The following CSMD1 variants were observed in gnomAD, a reference collection of about 807,000 sequenced individuals.
CSMD1 encodes the protein CUB and Sushi multiple domains 1, also known as CUB and sushi domain-containing protein 1.
In CSMD1, 213 loss-of-function variants were observed where a neutral mutation model predicts 417.5. The observed-to-expected ratio is 0.51, with a 90% CI of 0.46 to 0.57. The LOEUF (loss-of-function observed/expected upper bound fraction) is 0.57, where lower values mean the gene tolerates loss of function less well. Ranked by LOEUF, CSMD1 falls within the 20% of genes least tolerant of loss-of-function variation. The pLI is 0.00. For synonymous variants in CSMD1, 2,862 were observed against 1,736.8 expected, an observed-to-expected ratio of 1.65 and a Z score of -16.11; for missense variants, 6,923 against 4,529.7, an observed-to-expected ratio of 1.53 and a Z score of -15.17.
At chr8:3,187,997 T>C (rs764605263) in intron 35 of CSMD1, 32 bp from the exon 36 acceptor site, 4 of 1,579,826 alleles carry the variant, frequency 2.5e-6, no homozygotes, top group Non-Finnish European at 3.5e-6. Flanking sequence ...TTAATATTTA[T>C]TTTTGGCTTA....
At chr8:4,090,846 G>T (rs993527019) in intron 3 of CSMD1, among the ~76,000 whole-genome samples, 16 of 151,924 alleles carry the variant, frequency 1.1e-4, no homozygotes, top group African/African-American at 3.9e-4. Context: ...AATATTTGGC[G>T]AAGGGATGCC....
chr8:4,332,380 C>A (rs1217496661), intron 3 of CSMD1, among the ~76,000 whole-genome samples: 2 of 152,080 alleles, frequency 1.3e-5, no homozygotes, highest in African/African-American at 4.8e-5. Context: ...ATTAACGATT[C>A]CTACCATGCG....
At chr8:4,170,111 T>G (rs1250390853) in intron 3 of CSMD1, among the ~76,000 whole-genome samples, 1 of 151,740 alleles carries the variant, frequency 6.6e-6, no homozygotes, top group African/African-American at 2.4e-5. Flanking sequence ...CCCTAACCTG[T>G]TTTCTCCCTC....
intron 3 of CSMD1, among the ~76,000 whole-genome samples, chr8:4,217,542 T>G (rs1800757411): frequency 6.6e-6 from 1 of 152,146 alleles, no homozygotes. Context: ...AAGTGTCTTC[T>G]TGAATAAGGA....
At chr8:3,601,461 C>G (rs1000933348) in intron 8 of CSMD1, among the ~76,000 whole-genome samples, 1 of 152,196 alleles carries the variant, frequency 6.6e-6, no homozygotes, top group African/African-American at 2.4e-5. Flanking sequence ...TCACCTATCT[C>G]TAATCTCATA....
At chr8:4,914,097 T>G (rs1464199222) in intron 1 of CSMD1, among the ~76,000 whole-genome samples, 1 of 152,110 alleles carries the variant, frequency 6.6e-6, no homozygotes, top group Admixed American at 6.5e-5. Flanking sequence ...ATTTTACATT[T>G]ATGGATGATT....
intron 3 of CSMD1, among the ~76,000 whole-genome samples, chr8:4,314,960 G>T (rs1229951771): frequency 6.6e-6 from 1 of 152,136 alleles, no homozygotes; most frequent in African/African-American, 2.4e-5. Context: ...CTACATGGTG[G>T]GAGGAGGTTT....
chr8:3,005,492 T>A (rs916716959), intron 52 of CSMD1, among the ~76,000 whole-genome samples: 9 of 152,116 alleles, frequency 5.9e-5, no homozygotes, highest in Admixed American at 1.3e-4. Context: ...TAGACCAATA[T>A]CCTTGATGAA....
Position 3,625,675 on chromosome 8 carries a change from A to T in CSMD1, c.1010-8878T>A, listed in dbSNP as rs1796457291. Among the ~76,000 whole-genome samples the T allele has an allele frequency of 2.0e-5, 3 of 152,192 alleles. No individual in the cohort carries two copies. The South Asian group carries it at 6.2e-4, about 31-fold the overall frequency. Reference sequence around the variant, plus strand: ...ACTAAAAAAAATAACTCTATTGTACATAAAAAATAAAACGATTTGGCATTC... The same window carrying T: ...ACTAAAAAAAATAACTCTATTGTACTTAAAAAATAAAACGATTTGGCATTC... On this transcript the variant is annotated intron_variant, in intron 7 of 69. Coordinates refer to ENST00000635120, the MANE Select transcript of CSMD1 (RefSeq NM_033225.6).
intron 17 of CSMD1, among the ~76,000 whole-genome samples, chr8:3,394,374 A>G (rs558945166): frequency 6.6e-6 from 1 of 151,512 alleles, no homozygotes; most frequent in South Asian, 2.1e-4. Flanking sequence ...ATTTTCCAGA[A>G]AGAGAAATAA....
At chr8:3,094,307 G>C (rs1420291036) in intron 47 of CSMD1, among the ~76,000 whole-genome samples, 2 of 151,920 alleles carry the variant, frequency 1.3e-5, no homozygotes, top group Admixed American at 1.3e-4. Flanking sequence ...GTTTCACCAC[G>C]CTGGCCAGGC....
chr8:3,716,265 C>G (rs1181798310), intron 6 of CSMD1, among the ~76,000 whole-genome samples: 2 of 152,134 alleles, frequency 1.3e-5, no homozygotes, highest in African/African-American at 4.8e-5. Flanking sequence ...GTTCTTGAAT[C>G]TCATGCAAAA....
intron 10 of CSMD1, among the ~76,000 whole-genome samples, chr8:3,508,701 T>C (rs1028122113): frequency 6.6e-6 from 1 of 152,080 alleles, no homozygotes; most frequent in Non-Finnish European, 1.5e-5. Context: ...TTTCTGCGAG[T>C]TTTATGTCAT....
At chr8:3,406,296 C>G (rs1268190382) in intron 14 of CSMD1, 75 bp from the exon 15 acceptor site, 3 of 1,234,352 alleles carry the variant, frequency 2.4e-6, no homozygotes, top group Non-Finnish European at 2.2e-6. Flanking sequence ...AAGAAGAAAA[C>G]AGAACAAGCT....
chr8:4,067,484 T>G (rs934715939), intron 3 of CSMD1, among the ~76,000 whole-genome samples: 777 of 51,002 alleles, frequency 0.015, 10 homozygotes, highest in African/African-American at 0.041. Context: ...AATAAATTAC[T>G]TTTTTTTTTA....
At chr8:4,029,561 C>T (rs1299681215) in intron 4 of CSMD1, among the ~76,000 whole-genome samples, 1 of 152,142 alleles carries the variant, frequency 6.6e-6, no homozygotes, top group Non-Finnish European at 1.5e-5. Context: ...TCAATTACCT[C>T]CCACTGGCTT....
chr8:4,775,409 A>T (rs1454617848), intron 1 of CSMD1, among the ~76,000 whole-genome samples: 1 of 151,902 alleles, frequency 6.6e-6, no homozygotes, highest in East Asian at 1.9e-4. Flanking sequence ...ACTTCCATGA[A>T]GTATACAATA....
At position 3,459,487 on chromosome 8, in the gene CSMD1, C is replaced by A. The variant is rs531616779; in HGVS notation, c.1561+9225G>T. On this transcript the variant is annotated intron_variant, in intron 12 of 69. Transcript: ENST00000635120. ...CCGTCTATGAAGACCCCTGGGTGAT[C>A]TCCACGCATGCGGCAGTCGGAGACA... Among the ~76,000 whole-genome samples, 5 of 152,292 alleles carry A rather than the reference C, an allele frequency of 3.3e-5. No homozygotes were observed. The South Asian group carries it at 1.0e-3, about 32-fold the overall frequency.
chr8:4,461,460 A>G (rs917505482), intron 2 of CSMD1, among the ~76,000 whole-genome samples: 11 of 151,318 alleles, frequency 7.3e-5, no homozygotes, highest in African/African-American at 2.4e-4. Flanking sequence ...AACATCTTAG[A>G]TATCCATTAA....
Sources: allele counts gnomAD v4.1 joint callset (sites outside exome capture counted in the v4.1 genomes callset), GRCh38; gene constraint gnomAD v4.1.1; transcripts MANE v1.5; gene names NCBI Gene and HGNC (gene_info 2026-07-23, HGNC 2026-07-21).